Variants in TMEM132C observed in about 807,000 individuals in gnomAD.
TMEM132C encodes the protein protein phosphatase 1, regulatory subunit 152.
TMEM132C carries 29 observed loss-of-function variants against 61.4 expected under a neutral mutation model. That is an observed-to-expected ratio of 0.47 (90% CI 0.35 to 0.64). The LOEUF (loss-of-function observed/expected upper bound fraction) is 0.64, where lower values mean the gene tolerates loss of function less well. Ranked by LOEUF, TMEM132C falls within the 30% of genes least tolerant of loss-of-function variation. The pLI is 0.00. For missense variants in TMEM132C, 1,408 were observed against 1,476.9 expected, an observed-to-expected ratio of 0.95 and a Z score of 0.76; for synonymous variants, 656 against 633.1, an observed-to-expected ratio of 1.04 and a Z score of -0.54.
intron 4 of TMEM132C, among the ~76,000 whole-genome samples, chr12:128,631,854 C>CA (rs558124166): frequency 8.3e-4 from 127 of 152,320 alleles, no homozygotes; most frequent in African/African-American, 2.9e-3. Flanking sequence ...AGAGTTCCAG[C>CA]AAAAATCCCA....
At chr12:128,685,063 A>G (rs1258890540) in intron 5 of TMEM132C, among the ~76,000 whole-genome samples, 2 of 152,194 alleles carry the variant, frequency 1.3e-5, no homozygotes, top group Non-Finnish European at 2.9e-5. Flanking sequence ...AAGCTCTGAC[A>G]GGAGTCTTCC....
chr12:128,412,396 G>T (rs1302831085), intron 1 of TMEM132C, among the ~76,000 whole-genome samples: 1 of 152,112 alleles, frequency 6.6e-6, no homozygotes, highest in Non-Finnish European at 1.5e-5. Flanking sequence ...GAGTTCATGT[G>T]TGTTACATGA....
chr12:128,646,310 G>A (rs1391387502), intron 4 of TMEM132C, among the ~76,000 whole-genome samples: 9 of 151,710 alleles, frequency 5.9e-5, no homozygotes, highest in East Asian at 5.9e-4. Context: ...GTCCATCAGC[G>A]TTGGATGTGA....
chr12:128,571,455 C>G (rs1249565639), intron 3 of TMEM132C, among the ~76,000 whole-genome samples: 2 of 152,182 alleles, frequency 1.3e-5, no homozygotes, highest in African/African-American at 4.8e-5. Context: ...TCAGTGACAT[C>G]AAATACAATG....
Position 128,707,285 on chromosome 12 carries a change from G to A in TMEM132C, c.*990G>A, listed in dbSNP as rs1248149992. 1 of 152,020 alleles carries A rather than the reference G, an allele frequency of 6.6e-6. No homozygotes were observed. Among genetic ancestry groups the A allele is most frequent in the African/African-American group, 2.4e-5 (1 of 41,450 alleles). 9.4% of individuals were successfully genotyped at this position (152,020 alleles called of 1,614,324 possible). On this transcript the variant is annotated 3_prime_UTR_variant, in exon 9 of 9. Coordinates refer to ENST00000435159, the MANE Select transcript of TMEM132C (RefSeq NM_001136103.3). The stretch of plus-strand genomic sequence containing the variant: ...ATTCCACCCCTGTCATCGTGGGGAT[G>A]TTCCTATATGGGAGAAAGTTGGGTT...
intron 4 of TMEM132C, among the ~76,000 whole-genome samples, chr12:128,622,445 A>C (rs1399110669): frequency 6.9e-6 from 1 of 145,796 alleles, no homozygotes; most frequent in Non-Finnish European, 1.5e-5. Flanking sequence ...CTTCATAGAC[A>C]GTCAAAATGG....
intron 3 of TMEM132C, among the ~76,000 whole-genome samples, chr12:128,544,355 AGG>A: frequency 6.6e-6 from 1 of 152,344 alleles, no homozygotes; most frequent in Middle Eastern, 3.4e-3. Flanking sequence ...CTGCTCTGAT[AGG>A]GCTTGTGCAT....
intron 1 of TMEM132C, among the ~76,000 whole-genome samples, chr12:128,357,507 G>A (rs996257985): frequency 2.6e-5 from 4 of 151,850 alleles, no homozygotes; most frequent in Non-Finnish European, 4.4e-5. Context: ...CCAGCCTGAC[G>A]AACATGGTGA....
chr12:128,445,953 T>A (rs939537627), intron 2 of TMEM132C, among the ~76,000 whole-genome samples: 1 of 152,198 alleles, frequency 6.6e-6, no homozygotes, highest in South Asian at 2.1e-4. Flanking sequence ...CGTGAGATAC[T>A]TAATCTCTGT....
intron 2 of TMEM132C, among the ~76,000 whole-genome samples, chr12:128,456,081 G>T (rs1207872246): frequency 6.6e-6 from 1 of 152,118 alleles, no homozygotes; most frequent in Non-Finnish European, 1.5e-5. Flanking sequence ...GGCCATGCCT[G>T]AGTGAAGGAG....
At position 128,332,847 on chromosome 12, in the gene TMEM132C, T is replaced by G. The variant is rs537649170; in HGVS notation, c.85+65360T>G. On this transcript the variant is annotated intron_variant, in intron 1 of 8. Coordinates refer to ENST00000435159, the MANE Select transcript of TMEM132C (RefSeq NM_001136103.3). ...TTATTCTTCAAGGAGTTGCAGTGGC[T>G]CTTGCCAAGTGCCCTGGGGTCTTGG... Among the ~76,000 whole-genome samples the G allele has an allele frequency of 3.8e-3, 532 of 139,498 alleles. 2 individuals carry two copies. The highest frequency in any genetic ancestry group is 0.017 in the African/African-American group (515 of 29,450). The allele number at this position is 139,498 out of a possible 152,430, so 91.5% of individuals were successfully genotyped here.
intron 5 of TMEM132C, among the ~76,000 whole-genome samples, chr12:128,687,028 C>A (rs1045976733): frequency 6.6e-6 from 1 of 151,740 alleles, no homozygotes; most frequent in Non-Finnish European, 1.5e-5. Context: ...GAAACCTCAT[C>A]TTTACTAAAA....
At chr12:128,680,145 A>G (rs1954622756) in intron 5 of TMEM132C, among the ~76,000 whole-genome samples, 1 of 152,242 alleles carries the variant, frequency 6.6e-6, no homozygotes. Context: ...GTCTGTGTTC[A>G]GAATTTTGTT....
chr12:128,377,613 T>C (rs1232788340), intron 1 of TMEM132C, among the ~76,000 whole-genome samples: 1 of 152,142 alleles, frequency 6.6e-6, no homozygotes, highest in African/African-American at 2.4e-5. Context: ...AATGAGACTT[T>C]TATTTTGGTG....
Position 128,707,001 on chromosome 12 carries a change from T to G in TMEM132C, c.*706T>G, listed in dbSNP as rs1397260508. The G allele has an allele frequency of 6.6e-6, 1 of 152,260 alleles. No homozygotes were observed. The highest frequency in any genetic ancestry group is 1.5e-5 in the Non-Finnish European group (1 of 68,042). 9.4% of individuals were successfully genotyped at this position (152,260 alleles called of 1,614,324 possible). ...TTATATTCCTATTCATTAGATAGGT[T>G]CCTAGGAACAATGCCAATTAATCCA... is the stretch of plus-strand genomic sequence containing the variant. On this transcript the variant is annotated 3_prime_UTR_variant, in exon 9 of 9. Transcript: ENST00000435159.
intron 1 of TMEM132C, among the ~76,000 whole-genome samples, chr12:128,354,219 C>T (rs1873428715): frequency 6.6e-6 from 1 of 151,878 alleles, no homozygotes; most frequent in Non-Finnish European, 1.5e-5. Flanking sequence ...GTGTGTGAGT[C>T]CCCCAAGGAG....
intron 5 of TMEM132C, among the ~76,000 whole-genome samples, chr12:128,686,043 G>A (rs908271879): frequency 3.6e-5 from 5 of 137,296 alleles, no homozygotes; most frequent in Non-Finnish European, 8.1e-5. Flanking sequence ...GTGTATTCGC[G>A]CGTGTGTGCA....
intron 1 of TMEM132C, among the ~76,000 whole-genome samples, chr12:128,275,374 A>C (rs189031045): frequency 6.6e-4 from 101 of 152,310 alleles, no homozygotes; most frequent in South Asian, 3.5e-3. Flanking sequence ...TGAACTGTGC[A>C]TGCGAGGGGC....
At chr12:128,423,065 A>G (rs1250821962) in intron 2 of TMEM132C, among the ~76,000 whole-genome samples, 1 of 152,234 alleles carries the variant, frequency 6.6e-6, no homozygotes, top group African/African-American at 2.4e-5. Context: ...CCTTCAGGAC[A>G]TAAATCCTAA....
Sources: allele counts gnomAD v4.1 joint callset (sites outside exome capture counted in the v4.1 genomes callset), GRCh38; gene constraint gnomAD v4.1.1; transcripts MANE v1.5; gene names NCBI Gene and HGNC (gene_info 2026-07-23, HGNC 2026-07-21).